RYR3: variants seen among roughly 807,000 people sequenced by gnomAD.
RYR3 encodes the protein brain ryanodine receptor-calcium release channel.
A neutral mutation model predicts 584.3 loss-of-function variants in RYR3; 207 were observed. The observed-to-expected ratio is 0.35, with a 90% CI of 0.32 to 0.40. RYR3 has a LOEUF of 0.40. RYR3 is among the 10% of genes least tolerant of loss of function. The probability of loss-of-function intolerance (pLI) is 1.00; values close to 1 mark genes in which losing one functional copy is unlikely to be tolerated. For synonymous variants in RYR3, 2,416 were observed against 2,248.5 expected (o/e 1.07, Z -2.11); for missense variants, 5,616 against 6,089.2 (o/e 0.92, Z 2.59).
At chr15:33,731,750 T>C in intron 48 of RYR3, 56 bp downstream of exon 48, 1 of 1,216,478 alleles carries the variant, frequency 8.2e-7, no homozygotes, top group Non-Finnish European at 1.2e-6. Flanking sequence ...CAACTGCATT[T>C]TCCTATGTAA....
intron 2 of RYR3, among the ~76,000 whole-genome samples, chr15:33,497,008 A>T (rs2051498459): frequency 6.6e-6 from 1 of 152,130 alleles, no homozygotes; most frequent in Admixed American, 6.6e-5. Context: ...ACGAATGTAC[A>T]TTGTTTCCTT....
intron 65 of RYR3, among the ~76,000 whole-genome samples, chr15:33,782,120 A>G (rs555976541): frequency 2.6e-5 from 4 of 152,220 alleles, no homozygotes; most frequent in Non-Finnish European, 5.9e-5. Flanking sequence ...CTCTGTCTCT[A>G]TACCAGCACT....
At chr15:33,723,224 C>T (rs192402496) in intron 44 of RYR3, among the ~76,000 whole-genome samples, 2 of 152,370 alleles carry the variant, frequency 1.3e-5, no homozygotes, top group African/African-American at 2.4e-5. Flanking sequence ...CTAACTTCAG[C>T]ATGTTTCCTT....
intron 60 of RYR3, among the ~76,000 whole-genome samples, chr15:33,767,731 C>T (rs1274676578): frequency 1.3e-5 from 2 of 152,176 alleles, no homozygotes; most frequent in African/African-American, 4.8e-5. Flanking sequence ...TTTTTTCCCT[C>T]TTTCTATTCC....
intron 16 of RYR3, among the ~76,000 whole-genome samples, chr15:33,589,289 C>T (rs1037582472): frequency 1.3e-5 from 2 of 152,116 alleles, no homozygotes; most frequent in Non-Finnish European, 2.9e-5. Context: ...CCTTTGCTCA[C>T]TTTTTAATGG....
chr15:33,861,178 T>C lies in RYR3; in HGVS notation c.14465T>C (p.Leu4822Ser). Residue 4822 changes from leucine (L) to serine (S), a missense_variant and splice_region_variant, in exon 102 of 104, where the codon TTG becomes TCG. Leu to Ser is a moderately radical substitution (Grantham distance 145). Transcript: ENST00000634891. ...CAAGAGCACAACTTAGCCAACTACTTGTGAGTATTCTTGGTTAACAAAAGT... is the reference window on the plus strand; with the variant it reads ...CAAGAGCACAACTTAGCCAACTACTCGTGAGTATTCTTGGTTAACAAAAGT... ...TLQEHNLANY[L>S]FFLMYLINKD... 6.3e-7 allele frequency: 1 copy of C among 1,580,238 alleles called. No homozygotes were observed. The highest frequency in any genetic ancestry group is 8.6e-7 in the Non-Finnish European group (1 of 1,160,812).
intron 1 of RYR3, among the ~76,000 whole-genome samples, chr15:33,462,145 AAGTC>A (rs1008000062): frequency 6.6e-6 from 1 of 152,188 alleles, no homozygotes; most frequent in African/African-American, 2.4e-5. Flanking sequence ...AACCTTCTAA[AAGTC>A]AGCCCATAAA....
At chr15:33,569,021 TGTG>T (rs1391501043) in intron 12 of RYR3, among the ~76,000 whole-genome samples, 2 of 151,810 alleles carry the variant, frequency 1.3e-5, no homozygotes, top group Non-Finnish European at 2.9e-5. Context: ...AGAGTATTCT[TGTG>T]TGTGTGTGTG....
intron 94 of RYR3, 123 bp from the exon 95 acceptor site, chr15:33,852,922 C>A (rs997476941): frequency 8.8e-6 from 7 of 794,192 alleles, no homozygotes; most frequent in African/African-American, 1.8e-5. Context: ...TCTTAAAATT[C>A]TTTGGTGAGC....
chr15:33,811,605 G>A (rs1047713543), intron 72 of RYR3, among the ~76,000 whole-genome samples: 1 of 92,266 alleles, frequency 1.1e-5, no homozygotes, highest in African/African-American at 4.0e-5. Context: ...TTTGTTCTTA[G>A]TTATTACAAA....
At chr15:33,624,746 C>T (rs1307522652) in intron 20 of RYR3, among the ~76,000 whole-genome samples, 1 of 152,292 alleles carries the variant, frequency 6.6e-6, no homozygotes, top group South Asian at 2.1e-4. Flanking sequence ...AAGGGGCATG[C>T]AAGAGCTTTC....
intron 1 of RYR3, among the ~76,000 whole-genome samples, chr15:33,332,222 T>C (rs928631409): frequency 2.0e-5 from 3 of 152,058 alleles, no homozygotes; most frequent in Non-Finnish European, 2.9e-5. Flanking sequence ...CATAAACAAA[T>C]TCATAAATAT....
intron 1 of RYR3, among the ~76,000 whole-genome samples, chr15:33,316,418 C>G (rs1026977719): frequency 1.3e-5 from 2 of 152,158 alleles, no homozygotes; most frequent in African/African-American, 4.8e-5. Flanking sequence ...GGTCCTAGGT[C>G]TTAGGAACCC....
Position 33,746,100 on chromosome 15 carries a change from G to T in RYR3, c.7932G>T (p.Leu2644=), listed in dbSNP as rs2070684029. Reference sequence around the variant, plus strand: ...GTGGATGGAAATATGGGATTTCCCTGGATGAAAATGTGAAGACCCACCCAC... The same window carrying T: ...GTGGATGGAAATATGGGATTTCCCTTGATGAAAATGTGAAGACCCACCCAC... ...SQSGWKYGIS[L]DENVKTHPLI... is the part of the protein sequence containing the mutation. The change falls in exon 53 of 104, where the codon CTG becomes CTT. Residue 2644 remains leucine, a synonymous_variant. Coordinates refer to ENST00000634891, the MANE Select transcript of RYR3 (RefSeq NM_001036.6). The T allele has an allele frequency of 3.1e-6, 5 of 1,600,710 alleles. No individual in the cohort carries two copies. In the South Asian group the frequency reaches 5.7e-5, roughly 18 times the overall value.
In RYR3 at chr15:33,865,877, CTGCA is replaced by C. The variant is rs1404880604; in HGVS notation, c.*652_*655del. ...TGATCTTCCGTCTTACTTTATGAAA[CTGCA>C]CTTGAAGGTTATTCATACAAGTTTT... On this transcript the variant is annotated 3_prime_UTR_variant, in exon 104 of 104. Transcript: ENST00000634891. 1.3e-5 allele frequency: 2 copies of C among 152,550 alleles called. No homozygotes were observed. Among genetic ancestry groups the C allele is most frequent in the African/African-American group, 4.8e-5 (2 of 41,436 alleles). The allele number at this position is 152,550 out of a possible 1,614,324, so 9.4% of individuals were successfully genotyped here.
chr15:33,595,785 G>A (rs2059341769), intron 16 of RYR3, among the ~76,000 whole-genome samples: 1 of 152,102 alleles, frequency 6.6e-6, no homozygotes, highest in African/African-American at 2.4e-5. Context: ...GCACATACAG[G>A]AAGATACATG....
intron 1 of RYR3, among the ~76,000 whole-genome samples, chr15:33,425,778 A>T (rs1250405022): frequency 6.6e-6 from 1 of 151,032 alleles, no homozygotes; most frequent in Non-Finnish European, 1.5e-5. Flanking sequence ...AGTAGCTGGG[A>T]CTACAGGCGC....
chr15:33,793,271 C>T (rs1456085092), intron 67 of RYR3, among the ~76,000 whole-genome samples: 1 of 152,156 alleles, frequency 6.6e-6, no homozygotes, highest in African/African-American at 2.4e-5. Flanking sequence ...AATGTGTTTA[C>T]CAACCTGTAG....
chr15:33,331,704 T>C (rs1311174915), intron 1 of RYR3, among the ~76,000 whole-genome samples: 2 of 151,986 alleles, frequency 1.3e-5, no homozygotes, highest in African/African-American at 4.8e-5. Context: ...CTAAAGGATG[T>C]ATTTCAAGAA....
Sources: gnomAD v4.1 joint callset for allele counts (sites outside exome capture counted in the v4.1 genomes callset) on GRCh38, gnomAD v4.1.1 for gene constraint, MANE v1.5 for transcripts, NCBI Gene and HGNC (gene_info 2026-07-23, HGNC 2026-07-21) for gene names.